The following ASIC2 variants were observed in gnomAD, a reference collection of about 807,000 sequenced individuals.
ASIC2 encodes acid sensing ion channel subunit 2, also known as acid-sensing ion channel 2.
In ASIC2, 25 loss-of-function variants were observed where a neutral mutation model predicts 57.3. The ratio of observed to expected loss-of-function variants is 0.44; its 90% CI spans 0.32 to 0.61. The LOEUF (loss-of-function observed/expected upper bound fraction) is 0.61. Ranked by LOEUF, ASIC2 falls within the 20% of genes least tolerant of loss-of-function variation. The probability of loss-of-function intolerance (pLI) is 0.06; values close to 1 mark genes in which losing one functional copy is unlikely to be tolerated. For synonymous variants in ASIC2, 319 were observed against 307.5 expected (o/e 1.04, Z -0.39); for missense variants, 641 against 738.1 (o/e 0.87, Z 1.52).
intron 1 of ASIC2, among the ~76,000 whole-genome samples, chr17:33,497,403 A>G (rs1214427368): frequency 1.2e-4 from 18 of 152,042 alleles, no homozygotes; most frequent in Non-Finnish European, 1.5e-5. Flanking sequence ...AATAGCAGGG[A>G]ATTTTCTTGA....
intron 1 of ASIC2, among the ~76,000 whole-genome samples, chr17:33,933,815 T>C (rs1007550512): frequency 1.3e-5 from 2 of 152,200 alleles, no homozygotes; most frequent in African/African-American, 4.8e-5. Flanking sequence ...GGGGCCAACC[T>C]AGACAGGCTA....
At chr17:33,146,764 G>A (rs576060304) in intron 1 of ASIC2, among the ~76,000 whole-genome samples, 48 of 152,218 alleles carry the variant, frequency 3.2e-4, no homozygotes, top group Non-Finnish European at 5.4e-4. Context: ...AAGAACAGCC[G>A]AGGCCTAGGC....
chr17:33,413,037 C>T (rs1242783385), intron 1 of ASIC2, among the ~76,000 whole-genome samples: 1 of 152,182 alleles, frequency 6.6e-6, no homozygotes, highest in Non-Finnish European at 1.5e-5. Flanking sequence ...GCCTTAAAGG[C>T]ACTTGGCTTC....
rs183638852 is a variant in ASIC2 at position 33,989,690 on chromosome 17, C to T, written c.555+166288G>A. Among the ~76,000 whole-genome samples, 31 of 152,308 alleles carry T rather than the reference C, an allele frequency of 2.0e-4. No individual in the cohort carries two copies. In the East Asian group the frequency reaches 5.8e-3, roughly 28 times the overall value. ...AAAATCCCTAGCCCATTACCAGAGA[C>T]TCAAATGACACTGTTGTTTTTTTTC... On this transcript the variant is annotated intron_variant, in intron 1 of 9. Coordinates refer to the ASIC2 transcript ENST00000359872.
chr17:33,536,752 A>T (rs1915243138), intron 1 of ASIC2, among the ~76,000 whole-genome samples: 1 of 152,196 alleles, frequency 6.6e-6, no homozygotes, highest in Admixed American at 6.5e-5. Context: ...CATGCCTGTA[A>T]TCCCAGCACT....
chr17:33,853,014 C>G (rs1913816886), intron 1 of ASIC2, among the ~76,000 whole-genome samples: 1 of 152,178 alleles, frequency 6.6e-6, no homozygotes, highest in African/African-American at 2.4e-5. Context: ...AGTTAAAAAG[C>G]TATCAGCCTT....
At chr17:33,419,972 C>T (rs866384880) in intron 1 of ASIC2, among the ~76,000 whole-genome samples, 1 of 152,060 alleles carries the variant, frequency 6.6e-6, no homozygotes, top group Middle Eastern at 3.2e-3. Flanking sequence ...TGGAAGGATA[C>T]TCATAAAACT....
intron 1 of ASIC2, among the ~76,000 whole-genome samples, chr17:33,910,616 C>G (rs890619378): frequency 1.3e-5 from 2 of 151,880 alleles, no homozygotes; most frequent in East Asian, 3.8e-4. Context: ...AGACTATAAA[C>G]TTCATGAGGG....
chr17:33,419,485 A>G (rs73271322), intron 1 of ASIC2, among the ~76,000 whole-genome samples: 11,929 of 152,290 alleles, frequency 0.078, 1,321 homozygotes, highest in African/African-American at 0.25. Flanking sequence ...AATGCCAGAA[A>G]GGGTGAAAGT....
intron 3 of ASIC2, among the ~76,000 whole-genome samples, chr17:33,066,485 C>CA (rs1389589133): frequency 3.3e-5 from 5 of 152,108 alleles, no homozygotes; most frequent in African/African-American, 9.7e-5. Context: ...CCTCATGGGC[C>CA]ATTTAAAGAG....
intron 1 of ASIC2, among the ~76,000 whole-genome samples, chr17:33,124,920 G>A (rs1445748201): frequency 6.6e-6 from 1 of 152,162 alleles, no homozygotes; most frequent in Non-Finnish European, 1.5e-5. Flanking sequence ...TTCTCTTAAG[G>A]GGGGCACAAC....
chr17:33,745,349 A>G (rs1057110550), intron 1 of ASIC2, among the ~76,000 whole-genome samples: 1 of 152,180 alleles, frequency 6.6e-6, no homozygotes, highest in Admixed American at 6.5e-5. Flanking sequence ...AAATGTAAAA[A>G]GAGATAGGAG....
At chr17:33,682,894 G>A (rs963945330) in intron 1 of ASIC2, among the ~76,000 whole-genome samples, 4 of 152,206 alleles carry the variant, frequency 2.6e-5, no homozygotes, top group Non-Finnish European at 5.9e-5. Context: ...ATACAAGCAA[G>A]CTGAAGCACT....
intron 1 of ASIC2, among the ~76,000 whole-genome samples, chr17:33,740,332 A>G (rs1910070319): frequency 6.6e-6 from 1 of 152,230 alleles, no homozygotes. Flanking sequence ...TTGACTCACA[A>G]TTTCACATGG....
intron 1 of ASIC2, among the ~76,000 whole-genome samples, chr17:33,268,837 C>T (rs1909579341): frequency 6.6e-6 from 1 of 152,186 alleles, no homozygotes; most frequent in Non-Finnish European, 1.5e-5. Flanking sequence ...TTCACATCTA[C>T]TAAATGACAG....
intron 1 of ASIC2, among the ~76,000 whole-genome samples, chr17:33,917,855 TACACACAC>T (rs10645495): frequency 1.9e-4 from 26 of 139,098 alleles, no homozygotes; most frequent in Non-Finnish European, 3.4e-4. Context: ...TAAAGCCCGG[TACACACAC>T]ACACACACAC....
chr17:33,304,395 A>G (rs1906085185), intron 1 of ASIC2, among the ~76,000 whole-genome samples: 2 of 152,232 alleles, frequency 1.3e-5, no homozygotes, highest in African/African-American at 4.8e-5. Context: ...CAAGCTTACC[A>G]GGACCAAGTT....
At chr17:33,416,815 C>A (rs1423907608) in intron 1 of ASIC2, among the ~76,000 whole-genome samples, 1 of 152,198 alleles carries the variant, frequency 6.6e-6, no homozygotes, top group East Asian at 1.9e-4. Context: ...ATAGGTGGCG[C>A]TGCCAAGAGG....
At chr17:33,970,321 C>T (rs1312817063) in intron 1 of ASIC2, among the ~76,000 whole-genome samples, 1 of 152,138 alleles carries the variant, frequency 6.6e-6, no homozygotes, top group Non-Finnish European at 1.5e-5. Flanking sequence ...CCAGGCAGCA[C>T]CCCACTTAAA....
Sources: gnomAD v4.1 joint callset for allele counts (sites outside exome capture counted in the v4.1 genomes callset) on GRCh38, gnomAD v4.1.1 for gene constraint, MANE v1.5 for transcripts, NCBI Gene and HGNC (gene_info 2026-07-23, HGNC 2026-07-21) for gene names.